PTPRE: variants seen among roughly 807,000 people sequenced by gnomAD.
PTPRE encodes receptor-type tyrosine-protein phosphatase epsilon.
Under a neutral mutation model 102.0 loss-of-function variants are expected in PTPRE, and 51 were observed. That is an observed-to-expected ratio of 0.50 (90% CI 0.40 to 0.63). PTPRE has a LOEUF of 0.63. PTPRE is among the 30% of genes least tolerant of loss of function. The pLI is 0.00. For synonymous variants in PTPRE, 345 were observed against 348.2 expected (o/e 0.99, Z 0.10); for missense variants, 752 against 915.1 (o/e 0.82, Z 2.30).
intron 2 of PTPRE, among the ~76,000 whole-genome samples, chr10:128,037,855 G>C (rs929859624): frequency 6.6e-6 from 1 of 151,914 alleles, no homozygotes; most frequent in African/African-American, 2.4e-5. Flanking sequence ...GCAGTGGTGC[G>C]ATCTCGGCTC....
At chr10:128,052,597 C>T (rs1224505740) in intron 6 of PTPRE, among the ~76,000 whole-genome samples, 3 of 152,160 alleles carry the variant, frequency 2.0e-5, no homozygotes, top group Non-Finnish European at 4.4e-5. Context: ...ACTGGTAGAA[C>T]ACCATCCTAG....
At chr10:128,047,633 T>A (rs2135842113) in intron 4 of PTPRE, 131 bp from the exon 5 acceptor site, 1 of 1,614,116 alleles carries the variant, frequency 6.2e-7, no homozygotes, top group African/African-American at 1.3e-5. Flanking sequence ...AGGCCAGGCC[T>A]TAGCGCGGCT....
intron 2 of PTPRE, among the ~76,000 whole-genome samples, chr10:128,013,096 G>T (rs2135628379): frequency 6.6e-6 from 1 of 152,224 alleles, no homozygotes; most frequent in South Asian, 2.1e-4. Flanking sequence ...CTCCCAAAGG[G>T]TAGCTTTTTG....
intron 1 of PTPRE, among the ~76,000 whole-genome samples, chr10:127,951,445 AACTG>A (rs1849016309): frequency 6.6e-6 from 1 of 152,226 alleles, no homozygotes; most frequent in Non-Finnish European, 1.5e-5. Flanking sequence ...ACTGGCTCTG[AACTG>A]ACATTGATTC....
Position 127,964,562 on chromosome 10 carries a change from A to AT in PTPRE, c.-30-17699dup, listed in dbSNP as rs11317491. ...AAGAATTAATGAAGTTCTTAGTTCC[A>AT]TTTTTTTTTTTTTCGCCCTTGACTA... On this transcript the variant is annotated intron_variant, in intron 1 of 20. Coordinates refer to ENST00000254667, the MANE Select transcript of PTPRE (RefSeq NM_006504.6). Among the ~76,000 whole-genome samples the AT allele has an allele frequency of 2.9e-3, 426 of 144,948 alleles. 3 individuals are homozygous for AT. Among genetic ancestry groups the AT allele is most frequent in the African/African-American group, 5.8e-3 (227 of 39,458 alleles).
At chr10:128,022,655 A>T (rs574751952) in intron 2 of PTPRE, among the ~76,000 whole-genome samples, 2 of 152,148 alleles carry the variant, frequency 1.3e-5, no homozygotes, top group African/African-American at 4.8e-5. Context: ...GACTCACAGG[A>T]GCTCATGTTC....
At chr10:127,967,704 C>G (rs1850362728) in intron 1 of PTPRE, among the ~76,000 whole-genome samples, 2 of 152,168 alleles carry the variant, frequency 1.3e-5, no homozygotes, top group East Asian at 3.9e-4. Flanking sequence ...GTCATAAGCA[C>G]ACAGAGCTCT....
At chr10:127,920,713 T>C (rs1193614228) in intron 1 of PTPRE, among the ~76,000 whole-genome samples, 2 of 152,156 alleles carry the variant, frequency 1.3e-5, no homozygotes, top group African/African-American at 2.4e-5. Flanking sequence ...TCAGGGACCT[T>C]AGGGATGCAC....
chr10:128,028,387 C>T lies in PTPRE; in HGVS notation c.-7-12488C>T, dbSNP rs192881880. ...GACCTGAAGGATATCATTGAGCCCG[C>T]GCCCGCCCCAGGCTGGAATTGCTGG... On this transcript the variant is annotated intron_variant, in intron 2 of 20. Transcript: ENST00000254667. This position sits in a 1 kb window ranked among gnomAD's most constrained non-coding sequence, Gnocchi z 4.5. Among the ~76,000 whole-genome samples the T allele has an allele frequency of 2.0e-4, 30 of 152,268 alleles. No homozygotes were observed. The highest frequency in any genetic ancestry group is 3.2e-4 in the Non-Finnish European group (22 of 68,014).
At chr10:127,957,816 T>G (rs751481194) in intron 1 of PTPRE, among the ~76,000 whole-genome samples, 1 of 152,254 alleles carries the variant, frequency 6.6e-6, no homozygotes, top group Non-Finnish European at 1.5e-5. Context: ...CAGTTTTAAA[T>G]TTGTTTATCC....
At chr10:127,945,959 A>G (rs1848590519) in intron 1 of PTPRE, among the ~76,000 whole-genome samples, 1 of 152,102 alleles carries the variant, frequency 6.6e-6, no homozygotes, top group Non-Finnish European at 1.5e-5. Flanking sequence ...CTATGACTCC[A>G]TGGAGTATCC....
chr10:127,957,937 A>G (rs1402886889), intron 1 of PTPRE, among the ~76,000 whole-genome samples: 2 of 152,218 alleles, frequency 1.3e-5, no homozygotes, highest in Non-Finnish European at 2.9e-5. Flanking sequence ...GGTATTTCAT[A>G]TTTAGGGATG....
At chr10:127,950,912 C>T (rs1173566139) in intron 1 of PTPRE, among the ~76,000 whole-genome samples, 1 of 151,818 alleles carries the variant, frequency 6.6e-6, no homozygotes, top group East Asian at 1.9e-4. Flanking sequence ...CTGGCTAACA[C>T]AGTGAAACCC....
At chr10:128,069,852 T>C in intron 13 of PTPRE, 25 bp downstream of exon 13, 2 of 1,614,110 alleles carry the variant, frequency 1.2e-6, no homozygotes, top group South Asian at 2.2e-5. Flanking sequence ...CCTCTTGCCC[T>C]GATCTAGCTT....
intron 2 of PTPRE, among the ~76,000 whole-genome samples, chr10:127,993,003 A>G (rs567623768): frequency 6.6e-6 from 1 of 152,122 alleles, no homozygotes; most frequent in Admixed American, 6.5e-5. Flanking sequence ...TCTGCTGTGT[A>G]TATCACAGTG....
chr10:127,951,070 C>G (rs957587529), intron 1 of PTPRE, among the ~76,000 whole-genome samples: 1 of 151,770 alleles, frequency 6.6e-6, no homozygotes, highest in Non-Finnish European at 1.5e-5. Flanking sequence ...GAGGGAGACT[C>G]CATCTCAAAA....
rs1352544693 is a variant in PTPRE, at chr10:128,085,065, C to T, written c.*2159C>T. ...GTTCTGCCTGTTCCCAAACTTTTTC[C>T]ATTCCAGGAACAAAGGAGAAGCCAC... On this transcript the variant is annotated 3_prime_UTR_variant, in exon 21 of 21. Transcript: ENST00000254667. 6.6e-6 allele frequency: 3 copies of T among 455,758 alleles called. No individual in the cohort carries two copies. Among genetic ancestry groups the T allele is most frequent in the Non-Finnish European group, 1.3e-5 (3 of 226,792 alleles). The allele number at this position is 455,758 out of a possible 1,614,324, so 28.2% of individuals were successfully genotyped here.
At chr10:128,077,177 ACAGT>A (rs1477240829) in intron 18 of PTPRE, among the ~76,000 whole-genome samples, 4 of 152,044 alleles carry the variant, frequency 2.6e-5, no homozygotes, top group Non-Finnish European at 5.9e-5. Flanking sequence ...TGAGCTCCAA[ACAGT>A]CAGTATCACG....
At chr10:128,053,634 C>T (rs779106571) in intron 6 of PTPRE, among the ~76,000 whole-genome samples, 4 of 152,256 alleles carry the variant, frequency 2.6e-5, no homozygotes, top group African/African-American at 7.2e-5. Context: ...TGGGTGGCTA[C>T]GCCCCATCTC....
Sources: allele counts gnomAD v4.1 joint callset (sites outside exome capture counted in the v4.1 genomes callset), GRCh38; gene constraint gnomAD v4.1.1; non-coding constraint Gnocchi (gnomAD v3.1); transcripts MANE v1.5; gene names NCBI Gene and HGNC (gene_info 2026-07-23, HGNC 2026-07-21).